Variants in RBFOX1 observed in about 807,000 individuals in gnomAD.
The protein encoded by RBFOX1 is RNA binding fox-1 homolog 1.
Under a neutral mutation model 57.7 loss-of-function variants are expected in RBFOX1, and 8 were observed. The ratio of observed to expected loss-of-function variants is 0.14; its 90% CI spans 0.08 to 0.25. RBFOX1 has a LOEUF of 0.25. Among genes scored for constraint, RBFOX1 ranks in the 10% least tolerant of loss-of-function variants. The pLI is 1.00. For missense variants in RBFOX1, 611 were observed against 548.5 expected (o/e 1.11, Z -1.14); for synonymous variants, 326 against 222.4 (o/e 1.47, Z -4.15).
chr16:5,752,959 C>G (rs1465783107), intron 3 of RBFOX1, among the ~76,000 whole-genome samples: 1 of 151,922 alleles, frequency 6.6e-6, no homozygotes, highest in Non-Finnish European at 1.5e-5. Context: ...GACCAGCCTG[C>G]TCTTGAACAT....
chr16:7,696,659 A>G (rs898476077), intron 14 of RBFOX1, among the ~76,000 whole-genome samples: 2 of 152,154 alleles, frequency 1.3e-5, no homozygotes, highest in South Asian at 4.1e-4. Context: ...CCTTCATGGT[A>G]TGGGAGAACA....
At chr16:5,618,770 G>A (rs548465689) in intron 3 of RBFOX1, among the ~76,000 whole-genome samples, 4 of 152,218 alleles carry the variant, frequency 2.6e-5, no homozygotes, top group Admixed American at 2.6e-4. Context: ...AGGTAAATCA[G>A]GTTAGTTTCT....
At chr16:7,380,106 C>A (rs1005889953) in intron 4 of RBFOX1, among the ~76,000 whole-genome samples, 11 of 152,276 alleles carry the variant, frequency 7.2e-5, no homozygotes, top group African/African-American at 2.4e-4. Context: ...AGTCCTCTGA[C>A]CTCAGCTTCC....
At chr16:6,828,125 G>A (rs1306014198) in intron 3 of RBFOX1, among the ~76,000 whole-genome samples, 2 of 152,186 alleles carry the variant, frequency 1.3e-5, no homozygotes, top group Non-Finnish European at 2.9e-5. Context: ...TGGGACAGCA[G>A]TCAGGAAGCA....
chr16:6,960,441 T>G (rs561620289), intron 3 of RBFOX1, among the ~76,000 whole-genome samples: 1 of 152,288 alleles, frequency 6.6e-6, no homozygotes, highest in Non-Finnish European at 1.5e-5. Flanking sequence ...GTTACAGGAA[T>G]AAACTCCCTT....
chr16:7,145,000 C>T (rs903666016), intron 4 of RBFOX1, among the ~76,000 whole-genome samples: 3 of 152,090 alleles, frequency 2.0e-5, no homozygotes, highest in Non-Finnish European at 2.9e-5. Context: ...AACAGGTCAG[C>T]TGACGTTGTT....
At chr16:7,611,321 C>T (rs370448800) in intron 10 of RBFOX1, among the ~76,000 whole-genome samples, 14 of 152,226 alleles carry the variant, frequency 9.2e-5, no homozygotes, top group African/African-American at 3.4e-4. Context: ...CGTGGTGGCT[C>T]ACGCCTTTAA....
At chr16:5,490,002 TG>T (rs1198728438) in intron 2 of RBFOX1, among the ~76,000 whole-genome samples, 1 of 152,206 alleles carries the variant, frequency 6.6e-6, no homozygotes, top group Non-Finnish European at 1.5e-5. Flanking sequence ...CTGTCTGTCT[TG>T]GTGCTGCCTG....
At chr16:6,871,750 C>G (rs1000668678) in intron 3 of RBFOX1, among the ~76,000 whole-genome samples, 1 of 152,090 alleles carries the variant, frequency 6.6e-6, no homozygotes, top group African/African-American at 2.4e-5. Context: ...CGCCATCATT[C>G]TTGCTGAAAT....
chr16:7,682,519 C>G (rs1004409962), intron 14 of RBFOX1, among the ~76,000 whole-genome samples: 1 of 149,178 alleles, frequency 6.7e-6, no homozygotes, highest in Non-Finnish European at 1.5e-5. Context: ...TTTGATGGTG[C>G]TTTGAAGAAG....
At position 7,261,317 on chromosome 16, in the gene RBFOX1, G is replaced by A. The variant is rs566868379; in HGVS notation, c.27+209219G>A. 2.0e-5 allele frequency among the ~76,000 whole-genome samples: 3 copies of A among 152,278 alleles called. No homozygotes were observed. In the East Asian group the frequency reaches 5.8e-4, roughly 30 times the overall value. On this transcript the variant is annotated intron_variant, in intron 4 of 15. Transcript: ENST00000550418. The stretch of plus-strand genomic sequence containing the variant: ...GATGAATGGCAGGTTCTCAATAAAA[G>A]TTGGCTTGTGGTTATATCATTATCA...
intron 3 of RBFOX1, among the ~76,000 whole-genome samples, chr16:7,037,276 G>C (rs949654439): frequency 3.7e-5 from 2 of 54,080 alleles, no homozygotes; most frequent in African/African-American, 1.7e-4. Flanking sequence ...TTTTGCTCTT[G>C]TTGCCCAGGC....
intron 1 of RBFOX1, among the ~76,000 whole-genome samples, chr16:6,297,253 C>G (rs965535539): frequency 7.9e-5 from 12 of 152,160 alleles, no homozygotes; most frequent in South Asian, 4.1e-4. Flanking sequence ...ATCTCATCCT[C>G]TGACTTAGAA....
chr16:6,609,156 T>C lies in RBFOX1; in HGVS notation c.-63-45447T>C, dbSNP rs376909440. Among the ~76,000 whole-genome samples the C allele has an allele frequency of 5.3e-5, 8 of 152,286 alleles. No homozygotes were observed. In the East Asian group the frequency reaches 1.2e-3, roughly 22 times the overall value. On this transcript the variant is annotated intron_variant, in intron 2 of 15. Coordinates refer to ENST00000550418, the MANE Select transcript of RBFOX1 (RefSeq NM_018723.4). ...CCCTTTTACCATGTCATATGATACA[T>C]TCGCAGGCTCCAGGACAGACATGGA...
At chr16:5,357,199 T>C (rs1173422020) in intron 1 of RBFOX1, among the ~76,000 whole-genome samples, 1 of 152,168 alleles carries the variant, frequency 6.6e-6, no homozygotes, top group African/African-American at 2.4e-5. Flanking sequence ...TGCCACATGA[T>C]GTAGCAGTGG....
intron 1 of RBFOX1, among the ~76,000 whole-genome samples, chr16:6,207,667 G>A (rs984141555): frequency 6.6e-6 from 1 of 152,074 alleles, no homozygotes; most frequent in East Asian, 1.9e-4. Context: ...ATTGTAGAAA[G>A]GTGACAGTAG....
intron 4 of RBFOX1, among the ~76,000 whole-genome samples, chr16:7,214,022 C>T (rs528792481): frequency 6.6e-6 from 1 of 151,992 alleles, no homozygotes; most frequent in East Asian, 1.9e-4. Context: ...GGAATTTGAC[C>T]TCTCCCCTTT....
chr16:7,510,744 A>G (rs950167508), intron 4 of RBFOX1, among the ~76,000 whole-genome samples: 4 of 152,134 alleles, frequency 2.6e-5, no homozygotes, highest in African/African-American at 9.7e-5. Flanking sequence ...AGTAAAACAA[A>G]CTGTCAGCAA....
At chr16:7,349,551 C>T (rs904347411) in intron 4 of RBFOX1, among the ~76,000 whole-genome samples, 11 of 151,694 alleles carry the variant, frequency 7.3e-5, no homozygotes, top group Admixed American at 1.3e-4. Context: ...CAATCAGTAG[C>T]TTACCAGTTA....
Sources: gnomAD v4.1 joint callset for allele counts (sites outside exome capture counted in the v4.1 genomes callset) on GRCh38, gnomAD v4.1.1 for gene constraint, MANE v1.5 for transcripts, NCBI Gene and HGNC (gene_info 2026-07-23, HGNC 2026-07-21) for gene names.